ADAM23: variants seen among roughly 807,000 people sequenced by gnomAD.
ADAM23 encodes ADAM metallopeptidase domain 23.
A neutral mutation model predicts 120.1 loss-of-function variants in ADAM23; 33 were observed. The ratio of observed to expected loss-of-function variants is 0.27; its 90% confidence interval spans 0.21 to 0.37. The LOEUF is 0.37. Among genes scored for constraint, ADAM23 ranks in the 10% least tolerant of loss-of-function variants. The probability of loss-of-function intolerance (pLI) is 1.00; values close to 1 mark genes in which losing one functional copy is unlikely to be tolerated. For synonymous variants in ADAM23, 367 were observed against 375.2 expected (o/e 0.98, Z 0.25); for missense variants, 862 against 1,058.2 (o/e 0.81, Z 2.57).
At chr2:206,612,989 T>G (rs1273729904) in intron 25 of ADAM23, among the ~76,000 whole-genome samples, 2 of 152,188 alleles carry the variant, frequency 1.3e-5, no homozygotes, top group Non-Finnish European at 2.9e-5. Context: ...TTTTAAATGT[T>G]TTATTTGGTA....
chr2:206,494,779 G>A (rs556166302), intron 3 of ADAM23, among the ~76,000 whole-genome samples: 48 of 152,248 alleles, frequency 3.2e-4, no homozygotes, highest in Non-Finnish European at 5.7e-4. Context: ...GCAAAAATGA[G>A]TACTACTGAT....
chr2:206,537,104 GAT>G (rs1301177413), intron 4 of ADAM23, among the ~76,000 whole-genome samples: 1 of 152,126 alleles, frequency 6.6e-6, no homozygotes, highest in Non-Finnish European at 1.5e-5. Flanking sequence ...CTAGGTACTA[GAT>G]ATGTATCAGT....
intron 3 of ADAM23, among the ~76,000 whole-genome samples, chr2:206,486,269 T>C (rs12104971): frequency 0.044 from 6,701 of 152,150 alleles, 505 homozygotes; most frequent in African/African-American, 0.15. Flanking sequence ...TAGTGTTTCC[T>C]CTAAAATAGC....
In ADAM23 at chr2:206,617,964, G is replaced by A. The variant is rs1698967197; in HGVS notation, c.*337G>A. Reference sequence around the variant, plus strand: ...AATAAAGGAATCATTAAAAAAAATAGTAAATGATTTTTTTTCCCTCAGCCT... The same window carrying A: ...AATAAAGGAATCATTAAAAAAAATAATAAATGATTTTTTTTCCCTCAGCCT... On this transcript the variant is annotated 3_prime_UTR_variant, in exon 26 of 26. Coordinates refer to ENST00000264377, the MANE Select transcript of ADAM23 (RefSeq NM_003812.4). 9.1e-6 allele frequency: 2 copies of A among 219,538 alleles called. No homozygotes were observed. The highest frequency in any genetic ancestry group is 3.0e-4 in the South Asian group (2 of 6,572). 13.6% of individuals were successfully genotyped at this position (219,538 alleles called of 1,614,324 possible). A position where few individuals can be genotyped will look rare whatever the true frequency, so the allele number is the denominator to read the frequency against.
At chr2:206,617,540 C>T in intron 25 of ADAM23, 39 bp from the exon 26 acceptor site, 1 of 1,571,330 alleles carries the variant, frequency 6.4e-7, no homozygotes, top group Non-Finnish European at 8.6e-7. Context: ...TGTGGATTTT[C>T]CCCCTCTGCT....
intron 3 of ADAM23, among the ~76,000 whole-genome samples, chr2:206,493,588 G>A (rs1435831641): frequency 6.6e-6 from 1 of 152,150 alleles, no homozygotes; most frequent in Non-Finnish European, 1.5e-5. Context: ...GGCCAGGCTG[G>A]TCTCGAACTC....
intron 3 of ADAM23, among the ~76,000 whole-genome samples, chr2:206,514,894 A>C (rs1026059178): frequency 1.3e-5 from 2 of 152,204 alleles, no homozygotes; most frequent in African/African-American, 4.8e-5. Context: ...TTAGCAATAA[A>C]GTATTTTTAG....
intron 2 of ADAM23, among the ~76,000 whole-genome samples, chr2:206,460,581 G>A (rs1482925674): frequency 1.3e-5 from 2 of 151,502 alleles, no homozygotes; most frequent in South Asian, 4.2e-4. Context: ...AGTTGTTTGT[G>A]TTTTTTTTGG....
chr2:206,586,327 A>T (rs1292380678), intron 18 of ADAM23, among the ~76,000 whole-genome samples: 1 of 152,226 alleles, frequency 6.6e-6, no homozygotes, highest in Non-Finnish European at 1.5e-5. Context: ...GGAGGCTATT[A>T]CAGTAATCCA....
In ADAM23 at chr2:206,443,553, C is replaced by T. The variant is rs1458125527; in HGVS notation, c.-314C>T. 2 of 147,882 alleles carry T rather than the reference C, an allele frequency of 1.4e-5. No individual in the cohort carries two copies. The highest frequency in any genetic ancestry group is 2.4e-5 in the African/African-American group (1 of 40,986). 9.2% of individuals were successfully genotyped at this position (147,882 alleles called of 1,614,324 possible). ...CAGCATCCTCAGGCCCGGCGGCAGC[C>T]CCCGCAGTCGCTGAAGCGGCCGCGC... On this transcript the variant is annotated 5_prime_UTR_variant, in exon 1 of 26. Coordinates refer to ENST00000264377, the MANE Select transcript of ADAM23 (RefSeq NM_003812.4).
At chr2:206,536,216 C>T (rs533027202) in intron 4 of ADAM23, among the ~76,000 whole-genome samples, 1 of 150,778 alleles carries the variant, frequency 6.6e-6, no homozygotes, top group Non-Finnish European at 1.5e-5. Flanking sequence ...TATTCCATTG[C>T]GTGTGTGTTT....
chr2:206,476,251 C>T (rs528919026), intron 2 of ADAM23, among the ~76,000 whole-genome samples: 5 of 152,228 alleles, frequency 3.3e-5, no homozygotes, highest in African/African-American at 9.6e-5. Flanking sequence ...GGGCATGTTT[C>T]GTTCATTACT....
chr2:206,499,373 C>T (rs1355549864), intron 3 of ADAM23, among the ~76,000 whole-genome samples: 1 of 151,328 alleles, frequency 6.6e-6, no homozygotes, highest in East Asian at 1.9e-4. Flanking sequence ...AACCATCATT[C>T]TCAGCAAACT....
At chr2:206,581,331 T>C (rs1698215567) in intron 18 of ADAM23, among the ~76,000 whole-genome samples, 1 of 152,214 alleles carries the variant, frequency 6.6e-6, no homozygotes, top group South Asian at 2.1e-4. Context: ...CTGTCTGTGC[T>C]CTTTCAGACC....
intron 3 of ADAM23, among the ~76,000 whole-genome samples, chr2:206,529,819 A>T (rs1329904161): frequency 5.4e-5 from 8 of 149,038 alleles, no homozygotes; most frequent in Admixed American, 5.4e-4. Flanking sequence ...GTATATATAC[A>T]TTTTTTTTTT....
intron 21 of ADAM23, among the ~76,000 whole-genome samples, chr2:206,591,313 G>C (rs1462503730): frequency 6.6e-6 from 1 of 152,184 alleles, no homozygotes; most frequent in Non-Finnish European, 1.5e-5. Context: ...AAATAGTGCA[G>C]ATACCTTCAT....
At chr2:206,476,268 A>G (rs1695773360) in intron 2 of ADAM23, among the ~76,000 whole-genome samples, 1 of 152,192 alleles carries the variant, frequency 6.6e-6, no homozygotes, top group South Asian at 2.1e-4. Flanking sequence ...TACTTAAATG[A>G]ATATCTCCCT....
chr2:206,464,901 C>A (rs569557882), intron 2 of ADAM23, among the ~76,000 whole-genome samples: 1 of 151,898 alleles, frequency 6.6e-6, no homozygotes, highest in Non-Finnish European at 1.5e-5. Flanking sequence ...GTAGAGAAAC[C>A]CTGCAGTAGA....
chr2:206,499,644 A>G (rs1559235852), intron 3 of ADAM23, among the ~76,000 whole-genome samples: 1 of 152,006 alleles, frequency 6.6e-6, no homozygotes, highest in Non-Finnish European at 1.5e-5. Context: ...TATAATAATA[A>G]TAAGAAAATA....
Sources: gnomAD v4.1 joint callset for allele counts (sites outside exome capture counted in the v4.1 genomes callset) on GRCh38, gnomAD v4.1.1 for gene constraint, MANE v1.5 for transcripts, NCBI Gene and HGNC (gene_info 2026-07-23, HGNC 2026-07-21) for gene names.